The following CXADR variants were observed in gnomAD, a reference collection of about 807,000 sequenced individuals.
CXADR encodes the protein coxsackievirus and adenovirus receptor.
CXADR carries 20 observed loss-of-function variants against 40.3 expected under a neutral mutation model. The ratio of observed to expected loss-of-function variants is 0.50; its 90% CI spans 0.35 to 0.72. The LOEUF (loss-of-function observed/expected upper bound fraction) is 0.72. Ranked by LOEUF, CXADR falls within the 30% of genes least tolerant of loss-of-function variation. CXADR has a pLI of 0.01. For missense variants in CXADR, 332 were observed against 449.1 expected, an observed-to-expected ratio of 0.74 and a Z score of 2.36; for synonymous variants, 150 against 161.3, an observed-to-expected ratio of 0.93 and a Z score of 0.53.
At chr21:17,571,896 C>T (rs1328095072), downstream of CXADR, among the ~76,000 whole-genome samples, 3 of 152,160 alleles carry the variant, frequency 2.0e-5, no homozygotes, top group African/African-American at 7.2e-5. Context: ...CCTTCAGTAA[C>T]CTGAAGGTGA....
At chr21:17,618,447 T>C in the CXADR span, among the ~76,000 whole-genome samples, 1 of 152,318 alleles carries the variant, frequency 6.6e-6, no homozygotes, top group African/African-American at 2.4e-5. Flanking sequence ...GTAAATCCTT[T>C]CCCTAGGTTT....
At chr21:17,580,898 G>A (rs185229151) in intron 7 of CXADR, among the ~76,000 whole-genome samples, 3 of 151,978 alleles carry the variant, frequency 2.0e-5, no homozygotes, top group South Asian at 4.2e-4. Flanking sequence ...CTATGGGCAC[G>A]CACCAGTACA....
chr21:17,620,888 C>G, the CXADR span, among the ~76,000 whole-genome samples: 1 of 152,098 alleles, frequency 6.6e-6, no homozygotes, highest in South Asian at 2.1e-4. Context: ...CTAGCAAGTT[C>G]GAAATCTACA....
intron 7 of CXADR, among the ~76,000 whole-genome samples, chr21:17,587,084 C>T (rs944937009): frequency 9.8e-5 from 15 of 152,304 alleles, no homozygotes; most frequent in African/African-American, 3.6e-4. Context: ...TTTTTTATGG[C>T]TGCATAGTAT....
chr21:17,564,111 C>T lies in CXADR; in HGVS notation c.834-1317C>T, dbSNP rs12329840. 3.6e-3 allele frequency among the ~76,000 whole-genome samples: 546 copies of T among 151,708 alleles called. 3 individuals carry two copies. The highest frequency in any genetic ancestry group is 0.012 in the African/African-American group (517 of 41,418). ...AGTATGGCTGTATTTTTTAAATGCA[C>T]CAAAGATAACTCATATACATAGTTA... is the stretch of plus-strand genomic sequence containing the variant. On this transcript the variant is annotated intron_variant, in intron 6 of 6. Transcript: ENST00000284878.
downstream of CXADR, chr21:17,594,210 T>C (rs774299041): frequency 3.1e-6 from 5 of 1,613,276 alleles, no homozygotes. Context: ...TTCCCTGATT[T>C]GGATAACCAA....
At chr21:17,591,706 C>T (rs1239088537) in intron 7 of CXADR, among the ~76,000 whole-genome samples, 1 of 151,800 alleles carries the variant, frequency 6.6e-6, no homozygotes, top group Non-Finnish European at 1.5e-5. Context: ...AATTATTGTT[C>T]AGTGATAAAC....
downstream of CXADR, among the ~76,000 whole-genome samples, chr21:17,570,891 A>AC: frequency 1.3e-5 from 2 of 152,296 alleles, no homozygotes; most frequent in Non-Finnish European, 2.9e-5. Context: ...GGGTTTCTCA[A>AC]CCAGCACTAT....
chr21:17,610,950 C>T, the CXADR span, among the ~76,000 whole-genome samples: 1 of 152,132 alleles, frequency 6.6e-6, no homozygotes, highest in Non-Finnish European at 1.5e-5. Context: ...GAGAGGTGTG[C>T]TGGCAGCCGC....
At chr21:17,559,785 C>T (rs1265501593) in intron 4 of CXADR, among the ~76,000 whole-genome samples, 1 of 149,522 alleles carries the variant, frequency 6.7e-6, no homozygotes, top group African/African-American at 2.5e-5. Context: ...CTTAAGTGAG[C>T]CTCCCACTTC....
At chr21:17,570,467 G>C (rs1371164806), downstream of CXADR, among the ~76,000 whole-genome samples, 1 of 152,184 alleles carries the variant, frequency 6.6e-6, no homozygotes, top group Non-Finnish European at 1.5e-5. Context: ...GGCACTGGCA[G>C]ATTTGGTGTC....
chr21:17,556,115 G>A (rs976397153), intron 3 of CXADR, among the ~76,000 whole-genome samples: 2 of 152,232 alleles, frequency 1.3e-5, no homozygotes, highest in African/African-American at 4.8e-5. Flanking sequence ...GATCATGGAA[G>A]CAGATGTTCT....
rs377175208 is a variant in CXADR, at chr21:17,560,795, A to G, written c.665A>G (p.Gln222Arg). The G allele has an allele frequency of 8.7e-6, 14 of 1,613,882 alleles. No homozygotes were observed. The African/African-American group carries it at 1.7e-4, about 20-fold the overall frequency. ...GTCAGAAACAGAGTGGGCTCTGATC[A>G]GTGCCTGTTGCGTCTAAACGTTGTC... is the stretch of plus-strand genomic sequence containing the variant. ...CTVRNRVGSD[Q>R]CLLRLNVVPP... The change falls in exon 5 of 7, where the codon CAG becomes CGG. Residue 222 changes from glutamine to arginine, a missense_variant. This residue lies in a region of CXADR where 150 missense variants were observed against 194.2 expected (regional missense o/e 0.77). Transcript: ENST00000284878.
intron 7 of CXADR, among the ~76,000 whole-genome samples, chr21:17,582,163 G>A (rs1452191544): frequency 3.3e-5 from 5 of 151,254 alleles, no homozygotes; most frequent in Admixed American, 6.6e-5. Flanking sequence ...GGGTCTAGCC[G>A]AACACACCCA....
chr21:17,620,596 G>A, the CXADR span, among the ~76,000 whole-genome samples: 2 of 152,032 alleles, frequency 1.3e-5, no homozygotes, highest in South Asian at 4.2e-4. Flanking sequence ...ACACTTGCTT[G>A]ACACAAGATT....
chr21:17,573,395 CTAA>C (rs371934469), downstream of CXADR, among the ~76,000 whole-genome samples: 3 of 152,086 alleles, frequency 2.0e-5, no homozygotes, highest in African/African-American at 7.2e-5. Flanking sequence ...ATGAGAGGGA[CTAA>C]TAAGATAGTG....
chr21:17,552,367 A>G (rs1186439457), intron 3 of CXADR, among the ~76,000 whole-genome samples: 1 of 152,220 alleles, frequency 6.6e-6, no homozygotes, highest in African/African-American at 2.4e-5. Flanking sequence ...GAATTCAAGT[A>G]AGGCCATTAG....
chr21:17,566,665 T>G lies in CXADR; in HGVS notation c.*973T>G. 1.0e-6 allele frequency: 1 copy of G among 980,074 alleles called. No individual in the cohort carries two copies. Among genetic ancestry groups the G allele is most frequent in the Non-Finnish European group, 1.2e-6 (1 of 828,714 alleles). The allele number at this position is 980,074 out of a possible 1,614,324, so 60.7% of individuals were successfully genotyped here. On this transcript the variant is annotated 3_prime_UTR_variant, in exon 7 of 7. Transcript: ENST00000284878. ...GGTTCTTTGGTTCCAGTGCTTTATGTTGTTGTTGTTTTTGGATGGTGTTAC... is the reference window on the plus strand; with the variant it reads ...GGTTCTTTGGTTCCAGTGCTTTATGGTGTTGTTGTTTTTGGATGGTGTTAC...
intron 1 of CXADR, among the ~76,000 whole-genome samples, chr21:17,523,579 G>A (rs79971945): frequency 0.015 from 2,317 of 152,152 alleles, 59 homozygotes; most frequent in African/African-American, 0.052. Flanking sequence ...GATGCTTTGT[G>A]TCATTAAATA....
Sources: gnomAD v4.1 joint callset for allele counts (sites outside exome capture counted in the v4.1 genomes callset) on GRCh38, gnomAD v4.1.1 for gene constraint, gnomAD v4.1.1 regional missense constraint, MANE v1.5 for transcripts, NCBI Gene and HGNC (gene_info 2026-07-23, HGNC 2026-07-21) for gene names.